Variants in UBE2R2 observed in about 807,000 individuals in gnomAD.
UBE2R2 encodes ubiquitin conjugating enzyme E2 R2, also known as ubiquitin-conjugating enzyme E2 R2.
A neutral mutation model predicts 27.8 loss-of-function variants in UBE2R2; 1 was observed. The observed-to-expected ratio is 0.04, with a 90% CI of 0.01 to 0.17. The LOEUF (loss-of-function observed/expected upper bound fraction) is 0.17. Ranked by LOEUF, UBE2R2 falls within the 10% of genes least tolerant of loss-of-function variation. The pLI is 1.00. For missense variants in UBE2R2, 100 were observed against 291.0 expected, an observed-to-expected ratio of 0.34 and a Z score of 4.78; for synonymous variants, 106 against 113.3, an observed-to-expected ratio of 0.94 and a Z score of 0.41.
upstream of UBE2R2, among the ~76,000 whole-genome samples, chr9:33,817,137 TCTCCCTCC>T (rs1173275925): frequency 4.1e-5 from 6 of 147,052 alleles, no homozygotes; most frequent in South Asian, 4.3e-4. Flanking sequence ...CTCCTCCCTC[TCTCCCTCC>T]CTCCCTCCCT....
chr9:33,847,913 G>A (rs953813904), intron 1 of UBE2R2, among the ~76,000 whole-genome samples: 8 of 151,754 alleles, frequency 5.3e-5, no homozygotes, highest in Non-Finnish European at 7.4e-5. Context: ...CACCACACTC[G>A]GCTAGTTTTT....
chr9:33,878,633 A>G (rs1281958573), intron 1 of UBE2R2, among the ~76,000 whole-genome samples: 1 of 152,182 alleles, frequency 6.6e-6, no homozygotes, highest in Non-Finnish European at 1.5e-5. Flanking sequence ...TACAAAAAAA[A>G]GGCAGATTTA....
Position 33,917,234 on chromosome 9 carries a change from G to C in UBE2R2, c.714G>C (p.Ser238=), listed in dbSNP as rs370067900. The C allele has an allele frequency of 6.2e-7, 1 of 1,613,914 alleles. No individual in the cohort carries two copies. The highest frequency in any genetic ancestry group is 8.5e-7 in the Non-Finnish European group (1 of 1,180,032). ...ATGATGATTCTGGGAATGAGGAGTC[G>C]TGACGTGCTCCTTCAGTGCCCCTGT... ...YDDDDSGNEE[S] The change falls in exon 5 of 5, where the codon TCG becomes TCC. Residue 238 remains serine (S), a synonymous_variant. Transcript: ENST00000263228.
chr9:33,865,547 T>C (rs1230855307), intron 1 of UBE2R2, among the ~76,000 whole-genome samples: 2 of 152,186 alleles, frequency 1.3e-5, no homozygotes, highest in African/African-American at 4.8e-5. Context: ...TAGTTTGTTG[T>C]TAACTATCAT....
chr9:33,861,163 T>A (rs1182349391), intron 1 of UBE2R2, among the ~76,000 whole-genome samples: 1 of 150,716 alleles, frequency 6.6e-6, no homozygotes, highest in Non-Finnish European at 1.5e-5. Context: ...GGTTTCACTG[T>A]GTTAGCCAGG....
At chr9:33,857,830 G>T (rs1048793557) in intron 1 of UBE2R2, among the ~76,000 whole-genome samples, 1 of 152,166 alleles carries the variant, frequency 6.6e-6, no homozygotes, top group African/African-American at 2.4e-5. Context: ...TTTGCCTATA[G>T]TTCTTTGAGA....
At chr9:33,914,179 C>G (rs750295428) in intron 4 of UBE2R2, among the ~76,000 whole-genome samples, 1 of 152,106 alleles carries the variant, frequency 6.6e-6, no homozygotes, top group Non-Finnish European at 1.5e-5. Flanking sequence ...CATTTGAAAA[C>G]AAATGACCAT....
intron 4 of UBE2R2, among the ~76,000 whole-genome samples, chr9:33,913,206 G>T (rs780121544): frequency 1.3e-5 from 2 of 151,870 alleles, no homozygotes; most frequent in Non-Finnish European, 2.9e-5. Context: ...TGATCCACCC[G>T]CCTTGGCCTC....
intron 1 of UBE2R2, among the ~76,000 whole-genome samples, chr9:33,884,389 T>G (rs923776421): frequency 6.6e-6 from 1 of 150,642 alleles, no homozygotes; most frequent in Admixed American, 6.7e-5. Context: ...GCTCAAGTGA[T>G]CCTCCCACCT....
At chr9:33,840,957 C>G (rs1311542972) in intron 1 of UBE2R2, among the ~76,000 whole-genome samples, 1 of 152,094 alleles carries the variant, frequency 6.6e-6, no homozygotes, top group Non-Finnish European at 1.5e-5. Context: ...TGGAGTTTCA[C>G]TCTTTCACCC....
chr9:33,829,564 AATG>A (rs1820397810), intron 1 of UBE2R2, among the ~76,000 whole-genome samples: 1 of 152,190 alleles, frequency 6.6e-6, no homozygotes, highest in South Asian at 2.1e-4. Context: ...TGGGATGAGA[AATG>A]ATGATATAGT....
Position 33,900,185 on chromosome 9 carries a change from A to T in UBE2R2, c.276A>T (p.Val92=). The stretch of plus-strand genomic sequence containing the variant: ...TTTGTGTCTTGTAGAATGGAGATGT[A>T]TGCATTTCGATTCTTCATCCGCCTG... ...WHPNIYENGD[V]CISILHPPVD... The change falls in exon 3 of 5, where the codon GTA becomes GTT. Residue 92 remains valine, a synonymous_variant. Coordinates refer to ENST00000263228, the MANE Select transcript of UBE2R2 (RefSeq NM_017811.4). 20 of 1,612,632 alleles carry T rather than the reference A, an allele frequency of 1.2e-5. No individual in the cohort carries two copies. Among genetic ancestry groups the T allele is most frequent in the Non-Finnish European group, 1.7e-5 (20 of 1,179,038 alleles).
rs184290809 is a variant in UBE2R2, at chr9:33,903,031, G to A, written c.362+2760G>A. On this transcript the variant is annotated intron_variant, in intron 3 of 4. Transcript: ENST00000263228. ...GGAGAATTGCTTGAACCTGGGAGGCGGAGGTTGCGGTGAGCCAGGATCGTG... is the reference window on the plus strand; with the variant it reads ...GGAGAATTGCTTGAACCTGGGAGGCAGAGGTTGCGGTGAGCCAGGATCGTG... Among the ~76,000 whole-genome samples, 55 of 152,094 alleles carry A rather than the reference G, an allele frequency of 3.6e-4. 1 individual carries two copies. Among genetic ancestry groups the A allele is most frequent in the African/African-American group, 1.3e-3 (52 of 41,490 alleles).
At position 33,893,333 on chromosome 9, in the gene UBE2R2, C is replaced by T. The variant is rs578028085; in HGVS notation, c.264+6366C>T. 5.9e-5 allele frequency among the ~76,000 whole-genome samples: 9 copies of T among 152,274 alleles called. No individual in the cohort carries two copies. The East Asian group carries it at 1.7e-3, about 29-fold the overall frequency. ...TCATATAGTATGTGACATTTTGTGT[C>T]TGGCTTGTTTCACTCAGCACAATAT... On this transcript the variant is annotated intron_variant, in intron 2 of 4. Transcript: ENST00000263228.
At chr9:33,861,197 T>C (rs1360058814) in intron 1 of UBE2R2, among the ~76,000 whole-genome samples, 2 of 150,044 alleles carry the variant, frequency 1.3e-5, no homozygotes, top group African/African-American at 4.8e-5. Flanking sequence ...CCTGACCTCA[T>C]GATCCGCCCG....
chr9:33,876,357 AAAAT>A (rs1400881096), intron 1 of UBE2R2, among the ~76,000 whole-genome samples: 3 of 152,162 alleles, frequency 2.0e-5, no homozygotes, highest in Non-Finnish European at 4.4e-5. Context: ...CTCCATCTCA[AAAAT>A]AAATAAGTAA....
intron 1 of UBE2R2, among the ~76,000 whole-genome samples, chr9:33,851,536 T>C (rs1274260972): frequency 1.3e-5 from 2 of 152,316 alleles, no homozygotes; most frequent in Admixed American, 1.3e-4. Context: ...ACAGGTCACT[T>C]ACTTTGTGGA....
intron 2 of UBE2R2, among the ~76,000 whole-genome samples, chr9:33,899,636 G>T (rs1382969701): frequency 6.6e-6 from 1 of 152,044 alleles, no homozygotes; most frequent in Non-Finnish European, 1.5e-5. Context: ...GTCTCCCAAA[G>T]TGCTGGGATT....
chr9:33,886,074 G>A (rs1317988822), intron 1 of UBE2R2, among the ~76,000 whole-genome samples: 2 of 152,098 alleles, frequency 1.3e-5, no homozygotes, highest in South Asian at 2.1e-4. Flanking sequence ...TGTGATACAG[G>A]TGAAAAAAGC....
Sources: gnomAD v4.1 joint callset for allele counts (sites outside exome capture counted in the v4.1 genomes callset) on GRCh38, gnomAD v4.1.1 for gene constraint, MANE v1.5 for transcripts, NCBI Gene and HGNC (gene_info 2026-07-23, HGNC 2026-07-21) for gene names.